ARHGAP15: variants seen among roughly 807,000 people sequenced by gnomAD.
ARHGAP15 encodes rho GTPase-activating protein 15.
A neutral mutation model predicts 63.7 loss-of-function variants in ARHGAP15; 51 were observed. That is an observed-to-expected ratio of 0.80 (90% CI 0.64 to 1.01). The LOEUF (loss-of-function observed/expected upper bound fraction) is 1.01, where lower values mean the gene tolerates loss of function less well. Ranked by LOEUF, ARHGAP15 falls within the 50% of genes least tolerant of loss-of-function variation. The pLI, the probability that ARHGAP15 is intolerant of heterozygous loss-of-function variation, is 0.00. For missense variants in ARHGAP15, 560 were observed against 564.6 expected (o/e 0.99, Z 0.08); for synonymous variants, 191 against 193.8 (o/e 0.99, Z 0.12).
At chr2:143,649,580 C>T (rs1681060537) in intron 12 of ARHGAP15, among the ~76,000 whole-genome samples, 1 of 151,926 alleles carries the variant, frequency 6.6e-6, no homozygotes, top group African/African-American at 2.4e-5. Flanking sequence ...TGCATGTGTT[C>T]ATCATCTGTT....
chr2:143,567,489 C>T (rs1158619889), intron 11 of ARHGAP15, among the ~76,000 whole-genome samples: 1 of 152,170 alleles, frequency 6.6e-6, no homozygotes, highest in Non-Finnish European at 1.5e-5. Context: ...GAAAGATGTT[C>T]CTCTTCCCAA....
chr2:143,480,134 A>G (rs1336891134), intron 8 of ARHGAP15, among the ~76,000 whole-genome samples: 1 of 152,196 alleles, frequency 6.6e-6, no homozygotes, highest in African/African-American at 2.4e-5. Flanking sequence ...AAGATGTATT[A>G]CGAGCAAAAT....
intron 1 of ARHGAP15, among the ~76,000 whole-genome samples, chr2:143,143,224 G>C (rs1213835783): frequency 6.6e-6 from 1 of 152,012 alleles, no homozygotes; most frequent in Admixed American, 6.6e-5. Flanking sequence ...CCCCCAGATA[G>C]CTCCTATATT....
At chr2:143,662,002 C>T (rs1289766576) in intron 12 of ARHGAP15, among the ~76,000 whole-genome samples, 6 of 152,360 alleles carry the variant, frequency 3.9e-5, no homozygotes, top group East Asian at 3.9e-4. Context: ...GAGGGGCGCC[C>T]GCCATTGCCC....
In ARHGAP15 at chr2:143,255,710, GC is replaced by G. The variant is rs777326821; in HGVS notation, c.474+5111del. 1.6e-4 allele frequency among the ~76,000 whole-genome samples: 25 copies of G among 152,156 alleles called. 1 individual carries two copies. The highest frequency in any genetic ancestry group is 3.1e-4 in the Non-Finnish European group (21 of 67,982). ...AAGTGGTGGTTTAAAATAAATCCGA[GC>G]TTTTACCAATTTTCTTTCATTTTTC... is the stretch of plus-strand genomic sequence containing the variant. On this transcript the variant is annotated intron_variant, in intron 6 of 13. Coordinates refer to ENST00000295095, the MANE Select transcript of ARHGAP15 (RefSeq NM_018460.4).
chr2:143,384,665 T>A (rs1041529990), intron 6 of ARHGAP15, among the ~76,000 whole-genome samples: 12 of 152,178 alleles, frequency 7.9e-5, no homozygotes, highest in Non-Finnish European at 1.8e-4. Flanking sequence ...AATAGCTGTC[T>A]CTTTTCTTGG....
intron 1 of ARHGAP15, among the ~76,000 whole-genome samples, chr2:143,139,686 A>G (rs79515447): frequency 0.019 from 2,905 of 152,218 alleles, 83 homozygotes; most frequent in African/African-American, 0.065. Context: ...GCATGGAGAA[A>G]TTGAATTGCG....
chr2:143,662,546 C>T (rs376488341), intron 12 of ARHGAP15, among the ~76,000 whole-genome samples: 12 of 137,432 alleles, frequency 8.7e-5, no homozygotes, highest in East Asian at 2.1e-4. Flanking sequence ...TCACCAGCAA[C>T]GGAACAAAGC....
intron 6 of ARHGAP15, among the ~76,000 whole-genome samples, chr2:143,384,673 T>G (rs2104949798): frequency 6.6e-6 from 1 of 152,302 alleles, no homozygotes; most frequent in Middle Eastern, 3.4e-3. Context: ...TCTCTTTTCT[T>G]GGCGTCATTC....
chr2:143,269,035 A>G (rs1245149595), intron 6 of ARHGAP15, among the ~76,000 whole-genome samples: 3 of 152,158 alleles, frequency 2.0e-5, no homozygotes, highest in Admixed American at 2.0e-4. Context: ...TTTGGCAGAT[A>G]TCTTGAAGAA....
At position 143,253,787 on chromosome 2, in the gene ARHGAP15, A is replaced by G. The variant is rs182112739; in HGVS notation, c.474+3187A>G. Among the ~76,000 whole-genome samples, 34 of 151,656 alleles carry G rather than the reference A, an allele frequency of 2.2e-4. No individual in the cohort carries two copies. In the East Asian group the frequency reaches 5.4e-3, roughly 24 times the overall value. On this transcript the variant is annotated intron_variant, in intron 6 of 13. Transcript: ENST00000295095. ...TATATGCAAATATACATATGTATAT[A>G]TACTCTACCTGTGTGTATACACACC...
rs770497238 is a variant in ARHGAP15, at chr2:143,768,182, C to T, written c.*10C>T. 2 of 1,611,546 alleles carry T rather than the reference C, an allele frequency of 1.2e-6. No individual in the cohort carries two copies. The highest frequency in any genetic ancestry group is 1.7e-6 in the Non-Finnish European group (2 of 1,178,338). ...CTCAGAGGAAGACTGACAGACAAGACAAGCTACTGAATACGTTCACATCTG... is the reference window on the plus strand; with the variant it reads ...CTCAGAGGAAGACTGACAGACAAGATAAGCTACTGAATACGTTCACATCTG... On this transcript the variant is annotated 3_prime_UTR_variant, in exon 14 of 14. Transcript: ENST00000295095.
intron 7 of ARHGAP15, 65 bp from the exon 8 acceptor site, chr2:143,436,848 A>G (rs531723191): frequency 5.1e-6 from 8 of 1,560,382 alleles, no homozygotes; most frequent in Non-Finnish European, 6.9e-6. Context: ...AATTGAACAC[A>G]AAATTCTATG....
At chr2:143,751,888 A>C (rs943325551) in intron 13 of ARHGAP15, among the ~76,000 whole-genome samples, 2 of 152,126 alleles carry the variant, frequency 1.3e-5, no homozygotes, top group Non-Finnish European at 2.9e-5. Context: ...ATACCTGCCT[A>C]GATGGTGACT....
intron 8 of ARHGAP15, chr2:143,437,310 G>A: frequency 3.0e-6 from 1 of 332,368 alleles, no homozygotes; most frequent in Non-Finnish European, 5.6e-6. Context: ...TAGCCATGGT[G>A]TTCAGATCAG....
chr2:143,448,698 G>A (rs1282710554), intron 8 of ARHGAP15, among the ~76,000 whole-genome samples: 1 of 151,726 alleles, frequency 6.6e-6, no homozygotes, highest in African/African-American at 2.4e-5. Context: ...TCTTTCAGGA[G>A]CCTACTAGAT....
intron 2 of ARHGAP15, among the ~76,000 whole-genome samples, chr2:143,190,597 T>A (rs1691647187): frequency 6.6e-6 from 1 of 152,116 alleles, no homozygotes; most frequent in South Asian, 2.1e-4. Flanking sequence ...CTTGTTTAAT[T>A]TTGTCTCATG....
At chr2:143,252,613 ATTCAAGT>A (rs754267081) in intron 6 of ARHGAP15, among the ~76,000 whole-genome samples, 1 of 152,016 alleles carries the variant, frequency 6.6e-6, no homozygotes, top group Non-Finnish European at 1.5e-5. Context: ...AAAAGAAAAG[ATTCAAGT>A]TTCATGTTCT....
intron 13 of ARHGAP15, among the ~76,000 whole-genome samples, chr2:143,733,529 T>A (rs553988865): frequency 4.2e-4 from 64 of 152,176 alleles, no homozygotes; most frequent in Non-Finnish European, 4.9e-4. Context: ...CAACTGTGCC[T>A]TCAGTTACTG....
Sources: gnomAD v4.1 joint callset for allele counts (sites outside exome capture counted in the v4.1 genomes callset) on GRCh38, gnomAD v4.1.1 for gene constraint, MANE v1.5 for transcripts, NCBI Gene and HGNC (gene_info 2026-07-23, HGNC 2026-07-21) for gene names.